Variants in CCDC197 observed in about 807,000 individuals in gnomAD.
CCDC197 encodes uncharacterized protein CCDC197.
A neutral mutation model predicts 13.4 loss-of-function variants in CCDC197; 24 were observed. That is an observed-to-expected ratio of 1.80 (90% CI 1.30 to 2.53). The LOEUF (loss-of-function observed/expected upper bound fraction) is 2.53, where lower values mean the gene tolerates loss of function less well. Among genes scored for constraint, CCDC197 ranks in the 30% most tolerant of loss-of-function variants. CCDC197 has a pLI of 0.00. For missense variants in CCDC197, 255 were observed against 148.8 expected, an observed-to-expected ratio of 1.71 and a Z score of -3.71; for synonymous variants, 99 against 55.5, an observed-to-expected ratio of 1.78 and a Z score of -3.48.
chr14:93,989,749 C>T (rs968960029), intron 1 of CCDC197, among the ~76,000 whole-genome samples: 10 of 152,202 alleles, frequency 6.6e-5, no homozygotes, highest in African/African-American at 1.9e-4. Flanking sequence ...CCCCGATGTG[C>T]TGTAGGTTAG....
At chr14:93,996,010 C>T (rs1398421121), upstream of CCDC197, among the ~76,000 whole-genome samples, 1 of 152,234 alleles carries the variant, frequency 6.6e-6, no homozygotes, top group African/African-American at 2.4e-5. Flanking sequence ...GAACCTTTGT[C>T]CCTGCCATTC....
At chr14:94,009,153 C>T (rs865848029), downstream of CCDC197, among the ~76,000 whole-genome samples, 2 of 152,182 alleles carry the variant, frequency 1.3e-5, no homozygotes, top group African/African-American at 2.4e-5. Context: ...GAGCTTTGGA[C>T]GGATGCTTGG....
intron 1 of CCDC197, among the ~76,000 whole-genome samples, chr14:93,988,122 G>A (rs1264031546): frequency 8.0e-6 from 1 of 124,460 alleles, no homozygotes; most frequent in Non-Finnish European, 1.7e-5. Flanking sequence ...GTGAAGGTCA[G>A]GGAGGAAAAG....
chr14:94,010,387 A>G (rs1211530855), downstream of CCDC197, among the ~76,000 whole-genome samples: 1 of 152,168 alleles, frequency 6.6e-6, no homozygotes, highest in East Asian at 1.9e-4. Context: ...TATTTTTAAT[A>G]GAGATGGGGT....
chr14:94,004,729 TGAG>T, intron 5 of CCDC197, 123 bp from the exon 6 acceptor site: 1 of 612,360 alleles, frequency 1.6e-6, no homozygotes, highest in South Asian at 1.9e-5. Flanking sequence ...TAGACCATGA[TGAG>T]AAGGACACTC....
upstream of CCDC197, among the ~76,000 whole-genome samples, chr14:93,994,191 T>C (rs1258956410): frequency 3.9e-5 from 6 of 152,192 alleles, no homozygotes; most frequent in African/African-American, 1.4e-4. Flanking sequence ...TTATGCAGGA[T>C]CTGTACTCGC....
downstream of CCDC197, among the ~76,000 whole-genome samples, chr14:94,009,524 T>C (rs533311061): frequency 6.6e-6 from 1 of 150,782 alleles, no homozygotes; most frequent in South Asian, 2.1e-4. Flanking sequence ...AGCCCAGGAG[T>C]TCAAGACCAG....
At chr14:94,011,287 CCCTATCA>C (rs1890803495), downstream of CCDC197, among the ~76,000 whole-genome samples, 1 of 152,220 alleles carries the variant, frequency 6.6e-6, no homozygotes, top group Non-Finnish European at 1.5e-5. Context: ...TCATTCTGTC[CCCTATCA>C]CCTGCCTGCT....
chr14:93,991,237 G>GGCTACC (rs1890205333), intron 1 of CCDC197, among the ~76,000 whole-genome samples: 1 of 152,202 alleles, frequency 6.6e-6, no homozygotes, highest in South Asian at 2.1e-4. Flanking sequence ...TGGATGAGGA[G>GGCTACC]GCTACCGTGG....
chr14:94,003,434 C>T lies in CCDC197; in HGVS notation c.498+80C>T, dbSNP rs1890591639. The stretch of plus-strand genomic sequence containing the variant: ...GATGTCTCCATCATCAATCCCAAAA[C>T]ACACAGACACATACGCACGCAGACA... On this transcript the variant is annotated intron_variant, in intron 5 of 6. Coordinates refer to ENST00000636493, the MANE Select transcript of CCDC197 (RefSeq NM_001351596.2). The surrounding 1 kb of genome is among the most constrained non-coding windows in gnomAD (Gnocchi z 5.0). The T allele has an allele frequency of 3.0e-6, 2 of 661,364 alleles. No individual in the cohort carries two copies. Among genetic ancestry groups the T allele is most frequent in the East Asian group, 5.5e-5 (2 of 36,066 alleles). 41.0% of individuals were successfully genotyped at this position (661,364 alleles called of 1,614,324 possible).
intron 1 of CCDC197, among the ~76,000 whole-genome samples, chr14:93,990,872 T>C (rs1338472812): frequency 6.6e-6 from 1 of 152,228 alleles, no homozygotes; most frequent in African/African-American, 2.4e-5. Context: ...ATGCTTTACG[T>C]ATACCAGCTA....
downstream of CCDC197, among the ~76,000 whole-genome samples, chr14:94,009,417 G>T (rs1244766137): frequency 6.6e-6 from 1 of 152,082 alleles, no homozygotes; most frequent in Non-Finnish European, 1.5e-5. Context: ...CTCTGGGCTG[G>T]TTTTTCTACC....
At chr14:94,001,427 G>T in intron 4 of CCDC197, 104 bp downstream of exon 4, 2 of 570,926 alleles carry the variant, frequency 3.5e-6, no homozygotes, top group Admixed American at 3.2e-5. Flanking sequence ...AGGGAGCAGC[G>T]GCGTAATGCT....
At chr14:93,992,697 C>T (rs1404559375), upstream of CCDC197, among the ~76,000 whole-genome samples, 1 of 152,208 alleles carries the variant, frequency 6.6e-6, no homozygotes, top group African/African-American at 2.4e-5. Flanking sequence ...ATGACCAGAG[C>T]CTCCATCCTC....
At chr14:94,001,107 G>A in intron 3 of CCDC197, 38 bp from the exon 4 acceptor site, 2 of 725,390 alleles carry the variant, frequency 2.8e-6, no homozygotes, top group Non-Finnish European at 5.1e-6. Flanking sequence ...CCCACTGCAG[G>A]GGCACCCACC....
rs192272134 is a variant in CCDC197, at chr14:93,999,662, G to A, written c.184G>A (p.Glu62Lys). ...YLIKVLEKIP[E>K]GCTGWEEPEE... ...GATTAAGGTCCTTGAGAAAATCCCC[G>A]AGGGTATGTACACAGCTTCCTCGGA... The change falls in exon 3 of 7, where the codon GAG becomes AAG. Residue 62 changes from glutamate (E) to lysine (K), a missense_variant. Coordinates refer to ENST00000636493, the MANE Select transcript of CCDC197 (RefSeq NM_001351596.2). 3 of 781,026 alleles carry A rather than the reference G, an allele frequency of 3.8e-6. No individual in the cohort carries two copies. Among genetic ancestry groups the A allele is most frequent in the Admixed American group, 1.7e-5 (1 of 59,036 alleles). 48.4% of individuals were successfully genotyped at this position (781,026 alleles called of 1,614,324 possible).
Position 94,008,649 on chromosome 14 carries a change from C to T in CCDC197, c.656C>T (p.Ala219Val), listed in dbSNP as rs1358382220. 8.5e-6 allele frequency: 6 copies of T among 703,048 alleles called. No individual in the cohort carries two copies. The South Asian group carries it at 8.9e-5, about 10-fold the overall frequency. 43.6% of individuals were successfully genotyped at this position (703,048 alleles called of 1,614,324 possible). The part of the protein sequence containing the change: ...LDKMETVRLI[A>V]LLTEPKVCWS... ...AAAATGGAGACTGTAAGACTGATCG[C>T]ACTGCTCACGGAACCCAAAGTGTGC... The change falls in exon 7 of 7, where the codon GCA (alanine) becomes GTA (valine). Residue 219 changes from alanine to valine, a missense_variant. By Grantham distance (64) the Ala-to-Val change is moderately conservative (BLOSUM62 0). Coordinates refer to ENST00000636493, the MANE Select transcript of CCDC197 (RefSeq NM_001351596.2).
At chr14:94,005,025 A>G (rs1376036136) in intron 6 of CCDC197, 54 bp downstream of exon 6, 5 of 687,364 alleles carry the variant, frequency 7.3e-6, no homozygotes, top group East Asian at 2.7e-5. Context: ...CAAGACTCCA[A>G]CTTGAGCTAG....
intron 1 of CCDC197, among the ~76,000 whole-genome samples, chr14:93,989,633 G>A (rs1177966460): frequency 2.6e-5 from 4 of 152,208 alleles, no homozygotes; most frequent in African/African-American, 9.6e-5. Flanking sequence ...CATTGACCTT[G>A]TTCCTCATGC....
Sources: allele counts gnomAD v4.1 joint callset (sites outside exome capture counted in the v4.1 genomes callset), GRCh38; gene constraint gnomAD v4.1.1; non-coding constraint Gnocchi (gnomAD v3.1); transcripts MANE v1.5; gene names NCBI Gene and HGNC (gene_info 2026-07-23, HGNC 2026-07-21).